The following ZNF563 variants were observed in gnomAD, a reference collection of about 807,000 sequenced individuals.
ZNF563 encodes the protein zinc finger protein 563.
ZNF563 carries 39 observed loss-of-function variants against 48.5 expected under a neutral mutation model. The observed-to-expected ratio is 0.80, with a 90% CI of 0.62 to 1.05. The LOEUF (loss-of-function observed/expected upper bound fraction) is 1.05, where lower values mean the gene tolerates loss of function less well. Among genes scored for constraint, ZNF563 ranks in the 50% least tolerant of loss-of-function variants. The pLI is 0.00. For synonymous variants in ZNF563, 168 were observed against 187.9 expected (o/e 0.89, Z 0.87); for missense variants, 538 against 597.0 (o/e 0.90, Z 1.03).
At chr19:12,345,513 A>G in the ZNF563 span, among the ~76,000 whole-genome samples, 1 of 152,238 alleles carries the variant, frequency 6.6e-6, no homozygotes, top group Non-Finnish European at 1.5e-5. Flanking sequence ...GGTGTTGGGA[A>G]AACTGGATAT....
At chr19:12,334,686 T>C (rs1968997548), upstream of ZNF563, among the ~76,000 whole-genome samples, 1 of 151,966 alleles carries the variant, frequency 6.6e-6, no homozygotes, top group Admixed American at 6.6e-5. Flanking sequence ...CTGGCCAACA[T>C]GGTGAAACCA....
chr19:12,327,903 T>A (rs1045316070), intron 1 of ZNF563, among the ~76,000 whole-genome samples: 2 of 152,078 alleles, frequency 1.3e-5, no homozygotes, highest in Admixed American at 6.6e-5. Flanking sequence ...TCAAAATACA[T>A]AAAGTAAAAA....
the ZNF563 span, among the ~76,000 whole-genome samples, chr19:12,343,704 A>G: frequency 6.7e-6 from 1 of 150,286 alleles, no homozygotes; most frequent in South Asian, 2.1e-4. Flanking sequence ...AATATCTTTT[A>G]TGAATATTGA....
intron 1 of ZNF563, among the ~76,000 whole-genome samples, chr19:12,327,877 C>G (rs751307428): frequency 6.6e-6 from 1 of 152,056 alleles, no homozygotes; most frequent in African/African-American, 2.4e-5. Flanking sequence ...AATATTTATG[C>G]CCATAAAATA....
Position 12,319,710 on chromosome 19 carries a change from G to A in ZNF563, c.315C>T (p.Ser105=), listed in dbSNP as rs771388021. 40 of 1,613,916 alleles carry A rather than the reference G, an allele frequency of 2.5e-5. No individual in the cohort carries two copies. Among genetic ancestry groups the A allele is most frequent in the East Asian group, 6.7e-5 (3 of 44,888 alleles). The part of the protein sequence containing the change: ...SICPGEDPCQ[S]AECEEVIMGH... ...CCATTATGACTTCTTCACACTCAGC[G>A]CTTTGACATGGATCTTCTCCAGGAC... is the stretch of plus-strand genomic sequence containing the variant. Residue 105 remains serine, a synonymous_variant, in exon 4 of 4, where the codon AGC becomes AGT. Coordinates refer to ENST00000293725, the MANE Select transcript of ZNF563 (RefSeq NM_145276.3).
intron 1 of ZNF563, among the ~76,000 whole-genome samples, chr19:12,332,840 T>G (rs1468954098): frequency 6.6e-6 from 1 of 152,174 alleles, no homozygotes; most frequent in East Asian, 1.9e-4. Context: ...TTGCGATGGA[T>G]TTTGCTTCTT....
In ZNF563 at chr19:12,322,827, A is replaced by G. The variant is rs143384438; in HGVS notation, c.4-116T>C. ...TTTCCAAGCATTTATTCAATGATGT[A>G]GTAAACTCTCTCATATTCTCTTTAC... On this transcript the variant is annotated intron_variant, in intron 1 of 3. Coordinates refer to ENST00000293725, the MANE Select transcript of ZNF563 (RefSeq NM_145276.3). 2,764 of 1,140,504 alleles carry G rather than the reference A, an allele frequency of 2.4e-3. 9 individuals are homozygous for G. The highest frequency in any genetic ancestry group is 3.0e-3 in the Non-Finnish European group (2,545 of 839,074). 70.6% of individuals were successfully genotyped at this position (1,140,504 alleles called of 1,614,324 possible).
intron 1 of ZNF563, among the ~76,000 whole-genome samples, chr19:12,329,977 A>G (rs548495459): frequency 3.3e-5 from 5 of 151,314 alleles, no homozygotes; most frequent in Non-Finnish European, 5.9e-5. Context: ...CTGGAGTGCA[A>G]TGGCACCATC....
chr19:12,331,421 G>A (rs918751957), intron 1 of ZNF563, among the ~76,000 whole-genome samples: 1 of 151,878 alleles, frequency 6.6e-6, no homozygotes, highest in African/African-American at 2.4e-5. Flanking sequence ...CCACCTCACT[G>A]GGGTAAGTTA....
chr19:12,327,095 A>G (rs1568477265), intron 1 of ZNF563, among the ~76,000 whole-genome samples: 1 of 152,196 alleles, frequency 6.6e-6, no homozygotes, highest in Non-Finnish European at 1.5e-5. Flanking sequence ...CACTAAAAAA[A>G]TTAAGAACCA....
At chr19:12,341,410 A>G in the ZNF563 span, among the ~76,000 whole-genome samples, 20 of 152,200 alleles carry the variant, frequency 1.3e-4, no homozygotes, top group Admixed American at 6.5e-4. Flanking sequence ...TCACCAATAA[A>G]AAGGCAGAGA....
In ZNF563 at chr19:12,321,213, T is replaced by C. The variant is rs1968612794; in HGVS notation, c.191+59A>G. ...TGTTCATTTTCTTTGTTTTTAAAAT[T>C]TCCTTTTACTCTGAGAATCACTTCA... On this transcript the variant is annotated intron_variant, in intron 3 of 3. Transcript: ENST00000293725. The C allele has an allele frequency of 9.0e-6, 11 of 1,227,790 alleles. No homozygotes were observed. The East Asian group carries it at 2.5e-4, about 28-fold the overall frequency. 76.1% of individuals were successfully genotyped at this position (1,227,790 alleles called of 1,614,324 possible).
the ZNF563 span, among the ~76,000 whole-genome samples, chr19:12,341,294 C>T: frequency 3.3e-5 from 5 of 152,158 alleles, no homozygotes; most frequent in Non-Finnish European, 5.9e-5. Context: ...TCAAATGATC[C>T]GCCTGCCTCA....
At chr19:12,344,694 T>A in the ZNF563 span, among the ~76,000 whole-genome samples, 1 of 152,140 alleles carries the variant, frequency 6.6e-6, no homozygotes, top group Non-Finnish European at 1.5e-5. Flanking sequence ...CTATTCAACA[T>A]ACTAATGGAA....
At chr19:12,325,574 A>G (rs768856843) in intron 1 of ZNF563, among the ~76,000 whole-genome samples, 2 of 152,166 alleles carry the variant, frequency 1.3e-5, no homozygotes, top group Non-Finnish European at 2.9e-5. Context: ...AGCACCCATT[A>G]TATTGTGGAA....
intron 1 of ZNF563, among the ~76,000 whole-genome samples, chr19:12,329,040 T>C (rs1182296541): frequency 6.6e-6 from 1 of 152,134 alleles, no homozygotes; most frequent in Admixed American, 6.5e-5. Flanking sequence ...GAATGCATTC[T>C]CTAGAAAGTA....
At chr19:12,319,991 A>G (rs1023956418) in intron 3 of ZNF563, among the ~76,000 whole-genome samples, 158 bp from the exon 4 acceptor site, 3 of 150,360 alleles carry the variant, frequency 2.0e-5, no homozygotes, top group African/African-American at 7.4e-5. Context: ...ATCTCGGCTC[A>G]CTGCAATCTC....
intron 1 of ZNF563, among the ~76,000 whole-genome samples, chr19:12,332,786 C>T (rs1599578183): frequency 6.6e-6 from 1 of 152,302 alleles, no homozygotes; most frequent in East Asian, 1.9e-4. Context: ...ATAAAATCAC[C>T]CACAAGCCTC....
intron 1 of ZNF563, among the ~76,000 whole-genome samples, chr19:12,325,451 T>A (rs1021634598): frequency 1.6e-5 from 2 of 125,068 alleles, no homozygotes; most frequent in South Asian, 2.4e-4. Context: ...GCCTGGGCAA[T>A]AGAGCAAGAC....
Sources: allele counts gnomAD v4.1 joint callset (sites outside exome capture counted in the v4.1 genomes callset), GRCh38; gene constraint gnomAD v4.1.1; transcripts MANE v1.5; gene names NCBI Gene and HGNC (gene_info 2026-07-23, HGNC 2026-07-21).